The following SEM1 variants were observed in gnomAD, a reference collection of about 807,000 sequenced individuals.
The protein encoded by SEM1 is 26S proteasome complex subunit SEM1.
In SEM1, 3 loss-of-function variants were observed where a neutral mutation model predicts 12.7. The ratio of observed to expected loss-of-function variants is 0.24; its 90% confidence interval spans 0.11 to 0.61. The LOEUF (loss-of-function observed/expected upper bound fraction) is 0.61. Ranked by LOEUF, SEM1 falls within the 20% of genes least tolerant of loss-of-function variation. The pLI, the probability that SEM1 is intolerant of heterozygous loss-of-function variation, is 0.88. For missense variants in SEM1, 59 were observed against 81.3 expected (o/e 0.73, Z 1.06); for synonymous variants, 30 against 27.8 (o/e 1.08, Z -0.25).
rs1789398185 is a variant in SEM1, at chr7:96,674,300, CT to C, written c.171-442del. 2.6e-5 allele frequency among the ~76,000 whole-genome samples: 4 copies of C among 152,052 alleles called. No homozygotes were observed. The South Asian group carries it at 8.3e-4, about 32-fold the overall frequency. On this transcript the variant is annotated intron_variant, in intron 2 of 2. Coordinates refer to the SEM1 transcript ENST00000413065. Reference sequence around the variant, plus strand: ...AAATCAACCAGGGCTTAGAATATTACTAGGGCTTATAGAGCAGTGTTTATAC... The same window carrying C: ...AAATCAACCAGGGCTTAGAATATTACAGGGCTTATAGAGCAGTGTTTATAC...
chr7:96,551,884 C>T (rs1230045911), intron 2 of SEM1, among the ~76,000 whole-genome samples: 2 of 152,132 alleles, frequency 1.3e-5, no homozygotes, highest in African/African-American at 4.8e-5. Flanking sequence ...AAGGAACCAG[C>T]CCTGCCAACA....
At chr7:96,576,705 A>T (rs924501353) in intron 2 of SEM1, among the ~76,000 whole-genome samples, 7 of 151,942 alleles carry the variant, frequency 4.6e-5, no homozygotes, top group East Asian at 3.9e-4. Flanking sequence ...TGGCTATTTT[A>T]TTGTCCTTTG....
chr7:96,533,563 C>T (rs1804703039), intron 2 of SEM1, among the ~76,000 whole-genome samples: 1 of 151,934 alleles, frequency 6.6e-6, no homozygotes, highest in African/African-American at 2.4e-5. Flanking sequence ...CCTCAGAAAT[C>T]CATCATAAGC....
chr7:96,484,270 C>T (rs1279306406), intron 3 of SEM1, among the ~76,000 whole-genome samples: 7 of 152,058 alleles, frequency 4.6e-5, no homozygotes, highest in Admixed American at 1.3e-4. Context: ...TGCCTGTGGT[C>T]GCTGCTCAGA....
chr7:96,702,628 A>G (rs13238940), intron 1 of SEM1, among the ~76,000 whole-genome samples: 1 of 152,212 alleles, frequency 6.6e-6, no homozygotes, highest in African/African-American at 2.4e-5. Context: ...TAAAAGATGA[A>G]CAAGTTACAA....
chr7:96,508,993 C>CA (rs1803842186), intron 2 of SEM1, among the ~76,000 whole-genome samples: 1 of 142,856 alleles, frequency 7.0e-6, no homozygotes, highest in Admixed American at 7.1e-5. Context: ...AGAAACACAA[C>CA]TTTTTTTTTT....
chr7:96,499,249 T>A (rs1040268176), upstream of SEM1, among the ~76,000 whole-genome samples: 1 of 152,202 alleles, frequency 6.6e-6, no homozygotes, highest in Non-Finnish European at 1.5e-5. Context: ...ATACTAAGAC[T>A]ATTAGGCAAC....
intron 1 of SEM1, among the ~76,000 whole-genome samples, chr7:96,701,786 T>C (rs537957023): frequency 7.4e-4 from 112 of 152,180 alleles, no homozygotes; most frequent in Non-Finnish European, 1.4e-3. Flanking sequence ...CTATCTAGTG[T>C]AGCAAGCTTA....
intron 2 of SEM1, among the ~76,000 whole-genome samples, chr7:96,600,777 G>A (rs1179868330): frequency 1.3e-5 from 2 of 152,160 alleles, no homozygotes; most frequent in Non-Finnish European, 2.9e-5. Context: ...ATTACAGTGG[G>A]CACATTGCAT....
At chr7:96,683,000 A>T (rs571530828) in intron 2 of SEM1, among the ~76,000 whole-genome samples, 2 of 152,256 alleles carry the variant, frequency 1.3e-5, no homozygotes, top group African/African-American at 4.8e-5. Flanking sequence ...TCAAAACCAC[A>T]ATGAGATACC....
At chr7:96,568,219 G>A (rs1805909703) in intron 2 of SEM1, among the ~76,000 whole-genome samples, 1 of 147,024 alleles carries the variant, frequency 6.8e-6, no homozygotes, top group Non-Finnish European at 1.5e-5. Context: ...GGTGATTTAA[G>A]TTTCTAGAAA....
At chr7:96,546,773 A>G (rs1171009127) in intron 2 of SEM1, among the ~76,000 whole-genome samples, 1 of 152,060 alleles carries the variant, frequency 6.6e-6, no homozygotes, top group East Asian at 1.9e-4. Flanking sequence ...CACAATTTAA[A>G]TATTTAAAAA....
intron 2 of SEM1, among the ~76,000 whole-genome samples, chr7:96,538,477 T>A (rs1016945099): frequency 7.2e-5 from 11 of 151,878 alleles, no homozygotes; most frequent in Admixed American, 3.9e-4. Flanking sequence ...TAAAATTTTC[T>A]GTAGCTATAG....
At chr7:96,687,507 A>G (rs1464490172), downstream of SEM1, among the ~76,000 whole-genome samples, 1 of 152,070 alleles carries the variant, frequency 6.6e-6, no homozygotes, top group Non-Finnish European at 1.5e-5. Context: ...ATTGGAAATC[A>G]TCATTCTCAG....
At chr7:96,486,531 C>T (rs1802778282) in intron 1 of SEM1, 1 of 821,440 alleles carries the variant, frequency 1.2e-6, no homozygotes, top group Non-Finnish European at 1.9e-6. Flanking sequence ...TTTAAGCAGC[C>T]TCCTTGAGTG....
chr7:96,586,054 G>C (rs1039728844), intron 2 of SEM1, among the ~76,000 whole-genome samples: 6 of 152,202 alleles, frequency 3.9e-5, no homozygotes, highest in Admixed American at 1.3e-4. Context: ...GCCCAGGCTA[G>C]TCTTGAACTC....
chr7:96,695,571 G>T (rs1038412328), intron 1 of SEM1: 1 of 151,806 alleles, frequency 6.6e-6, no homozygotes, highest in Non-Finnish European at 1.5e-5. Context: ...TGCTATGTGG[G>T]TTGAGCCTGG....
At chr7:96,689,419 A>G (rs1281520304) in intron 2 of SEM1, among the ~76,000 whole-genome samples, 1 of 152,216 alleles carries the variant, frequency 6.6e-6, no homozygotes, top group Non-Finnish European at 1.5e-5. Context: ...ATATGCAGAA[A>G]GAATAAACAG....
chr7:96,508,989 A>G (rs1239586631), intron 2 of SEM1, among the ~76,000 whole-genome samples: 1 of 119,698 alleles, frequency 8.4e-6, no homozygotes, highest in Non-Finnish European at 1.6e-5. Flanking sequence ...TACAAGAAAC[A>G]CAACTTTTTT....
Sources: gnomAD v4.1 joint callset for allele counts (sites outside exome capture counted in the v4.1 genomes callset) on GRCh38, gnomAD v4.1.1 for gene constraint, MANE v1.5 for transcripts, NCBI Gene and HGNC (gene_info 2026-07-23, HGNC 2026-07-21) for gene names.